Variants in SNX29 observed in about 807,000 individuals in gnomAD.
The protein encoded by SNX29 is sorting nexin-29.
A neutral mutation model predicts 102.1 loss-of-function variants in SNX29; 78 were observed. The observed-to-expected ratio is 0.76, with a 90% confidence interval of 0.64 to 0.92. The LOEUF (loss-of-function observed/expected upper bound fraction) is 0.92. Ranked by LOEUF, SNX29 falls within the 40% of genes least tolerant of loss-of-function variation. The probability of loss-of-function intolerance (pLI) is 0.00; values close to 1 mark genes in which losing one functional copy is unlikely to be tolerated. For synonymous variants in SNX29, 580 were observed against 414.5 expected (o/e 1.40, Z -4.85); for missense variants, 1,280 against 1,061.7 (o/e 1.21, Z -2.86).
chr16:12,225,503 C>T (rs113180411), intron 14 of SNX29, among the ~76,000 whole-genome samples: 2,940 of 152,284 alleles, frequency 0.019, 66 homozygotes, highest in African/African-American at 0.05. Flanking sequence ...CTGCCATCCA[C>T]GTAAGATATG....
intron 18 of SNX29, among the ~76,000 whole-genome samples, chr16:12,417,183 T>A (rs960720281): frequency 2.0e-5 from 3 of 152,228 alleles, no homozygotes; most frequent in African/African-American, 7.2e-5. Flanking sequence ...TCTTACTGTT[T>A]ATGAAACTTG....
chr16:12,091,775 C>CAAA (rs71408236), intron 11 of SNX29, among the ~76,000 whole-genome samples: 22,296 of 93,370 alleles, frequency 0.24, 2,199 homozygotes, highest in Admixed American at 0.26. Flanking sequence ...AGATCCTTCT[C>CAAA]AAAAAAAAAA....
intron 14 of SNX29, among the ~76,000 whole-genome samples, chr16:12,237,521 A>G (rs1050046553): frequency 5.9e-5 from 9 of 152,212 alleles, no homozygotes; most frequent in African/African-American, 2.2e-4. Flanking sequence ...CTGTAATCCC[A>G]GCACTTTGGG....
chr16:12,112,476 C>T (rs1161911089), intron 11 of SNX29, among the ~76,000 whole-genome samples: 2 of 152,192 alleles, frequency 1.3e-5, no homozygotes, highest in African/African-American at 2.4e-5. Context: ...AAGGTGCTGC[C>T]ATCAGGCAAT....
intron 18 of SNX29, among the ~76,000 whole-genome samples, chr16:12,442,750 C>G (rs1208335866): frequency 2.6e-5 from 4 of 152,102 alleles, no homozygotes; most frequent in South Asian, 4.2e-4. Flanking sequence ...GACACCACAC[C>G]TGGCTAATTT....
At chr16:12,099,496 C>T (rs1388967325) in intron 11 of SNX29, among the ~76,000 whole-genome samples, 1 of 152,172 alleles carries the variant, frequency 6.6e-6, no homozygotes, top group Non-Finnish European at 1.5e-5. Context: ...ATTTAGTGAC[C>T]TAAACAGGGA....
chr16:12,251,376 G>T (rs1326570232), intron 14 of SNX29, among the ~76,000 whole-genome samples: 1 of 152,148 alleles, frequency 6.6e-6, no homozygotes, highest in Non-Finnish European at 1.5e-5. Context: ...GATTTTTAAT[G>T]ACCTTACCTT....
At chr16:12,371,018 C>T (rs1304706706) in intron 16 of SNX29, among the ~76,000 whole-genome samples, 2 of 152,332 alleles carry the variant, frequency 1.3e-5, no homozygotes, top group Admixed American at 1.3e-4. Context: ...CTTTCTTGCC[C>T]ATGAGGTCTG....
rs1283136417 is a variant in SNX29, at chr16:12,112,343, T to G, written c.1403-14290T>G. 2.0e-5 allele frequency among the ~76,000 whole-genome samples: 3 copies of G among 152,158 alleles called. No homozygotes were observed. In the East Asian group the frequency reaches 5.8e-4, roughly 29 times the overall value. On this transcript the variant is annotated intron_variant, in intron 11 of 20. Transcript: ENST00000566228. The stretch of plus-strand genomic sequence containing the variant: ...GTTTGAATCAGAACAAAGGCAGTTC[T>G]TGGTGAGGAGGCAACTCAGAAACAG...
intron 9 of SNX29, among the ~76,000 whole-genome samples, chr16:12,064,681 G>A (rs1055472518): frequency 6.6e-6 from 1 of 152,230 alleles, no homozygotes; most frequent in Non-Finnish European, 1.5e-5. Context: ...TGATTGGGAC[G>A]CCAGGTTGCA....
At chr16:12,052,312 G>A (rs2050341633) in intron 8 of SNX29, 90 bp downstream of exon 8, 1 of 1,453,850 alleles carries the variant, frequency 6.9e-7, no homozygotes, top group East Asian at 2.5e-5. Context: ...CACCTCCCGG[G>A]TTCAAGCTAT....
chr16:12,572,549 C>G lies in SNX29; in HGVS notation c.*3920C>G, dbSNP rs1455841191. On this transcript the variant is annotated 3_prime_UTR_variant, in exon 21 of 21. Coordinates refer to ENST00000566228, the MANE Select transcript of SNX29 (RefSeq NM_032167.5). Reference sequence around the variant, plus strand: ...CCCCCACAGGGGGCTGCGACACCATCTGGCTCCTCACAGGGAGGTCCAGCC... The same window carrying G: ...CCCCCACAGGGGGCTGCGACACCATGTGGCTCCTCACAGGGAGGTCCAGCC... The G allele has an allele frequency of 1.4e-5, 15 of 1,063,568 alleles. No individual in the cohort carries two copies. The highest frequency in any genetic ancestry group is 1.7e-5 in the Non-Finnish European group (15 of 878,258). The allele number at this position is 1,063,568 out of a possible 1,614,324, so 65.9% of individuals were successfully genotyped here.
In SNX29 at chr16:12,490,678, G is replaced by A. The variant is rs377560571; in HGVS notation, c.2178+12819G>A. Among the ~76,000 whole-genome samples, 19 of 152,216 alleles carry A rather than the reference G, an allele frequency of 1.2e-4. 1 individual carries two copies. The South Asian group carries it at 3.9e-3, about 32-fold the overall frequency. On this transcript the variant is annotated intron_variant, in intron 19 of 20. Transcript: ENST00000566228. ...ATGATTTTTTAAAGAAAGAGAAAAA[G>A]AATACAAAGAATAGGATACCAGGCA...
intron 20 of SNX29, among the ~76,000 whole-genome samples, chr16:12,559,638 C>T (rs1023207613): frequency 1.3e-5 from 2 of 152,054 alleles, no homozygotes; most frequent in African/African-American, 2.4e-5. Context: ...GCCCTGTATC[C>T]AAATGTAAGC....
intron 14 of SNX29, among the ~76,000 whole-genome samples, chr16:12,273,715 C>G (rs1052479647): frequency 6.6e-6 from 1 of 152,146 alleles, no homozygotes; most frequent in African/African-American, 2.4e-5. Flanking sequence ...AATTCCAGAA[C>G]ATTTTTGTCA....
At position 12,479,599 on chromosome 16, in the gene SNX29, T is replaced by C. The variant is rs755994181; in HGVS notation, c.2178+1740T>C. 2.8e-4 allele frequency among the ~76,000 whole-genome samples: 43 copies of C among 152,338 alleles called. 1 individual carries two copies. The Middle Eastern group carries it at 0.01, about 36-fold the overall frequency. On this transcript the variant is annotated intron_variant, in intron 19 of 20. Transcript: ENST00000566228. ...CAGACAGAAACTCTATACTTGTTCA[T>C]AGCAAAGAGTACAAGAATTCTTTTG...
intron 20 of SNX29, among the ~76,000 whole-genome samples, chr16:12,536,173 C>G (rs930221831): frequency 6.6e-6 from 1 of 152,154 alleles, no homozygotes; most frequent in South Asian, 2.1e-4. Flanking sequence ...TGGCTTAGCA[C>G]ACATCACTCA....
intron 20 of SNX29, among the ~76,000 whole-genome samples, chr16:12,531,000 G>A (rs1468336718): frequency 6.6e-6 from 1 of 152,232 alleles, no homozygotes; most frequent in African/African-American, 2.4e-5. Context: ...ACTGTAGTCT[G>A]GAACATCTCG....
At chr16:12,022,537 T>G (rs1388956748) in intron 3 of SNX29, among the ~76,000 whole-genome samples, 1 of 152,170 alleles carries the variant, frequency 6.6e-6, no homozygotes, top group East Asian at 1.9e-4. Flanking sequence ...TAGTGTTGTG[T>G]AACCATCGAT....
Sources: gnomAD v4.1 joint callset for allele counts (sites outside exome capture counted in the v4.1 genomes callset) on GRCh38, gnomAD v4.1.1 for gene constraint, MANE v1.5 for transcripts, NCBI Gene and HGNC (gene_info 2026-07-23, HGNC 2026-07-21) for gene names.